NRK: variants seen among roughly 807,000 people sequenced by gnomAD.
NRK encodes the protein Nik related kinase.
NRK carries 67 observed loss-of-function variants against 125.2 expected under a neutral mutation model. The ratio of observed to expected loss-of-function variants is 0.54; its 90% CI spans 0.44 to 0.66. The LOEUF (loss-of-function observed/expected upper bound fraction) is 0.66. NRK is among the 30% of genes least tolerant of loss of function. NRK has a pLI of 0.00. For synonymous variants in NRK, 458 were observed against 429.0 expected (o/e 1.07, Z -0.84); for missense variants, 1,224 against 1,192.9 (o/e 1.03, Z -0.38).
chrX:105,829,072 G>A (rs1362043717), intron 1 of NRK, among the ~76,000 whole-genome samples: 1 of 111,889 alleles, frequency 8.9e-6, no homozygotes, highest in African/African-American at 3.2e-5. Flanking sequence ...GAATTTTAGA[G>A]CTGGGAGATC....
At chrX:105,877,023 A>C (rs1160950550) in intron 2 of NRK, among the ~76,000 whole-genome samples, 1 of 111,850 alleles carries the variant, frequency 8.9e-6, no homozygotes, top group African/African-American at 3.2e-5. Context: ...TTTATAGTGG[A>C]GAAACCTGGC....
chrX:105,850,116 C>A (rs1449113599), intron 2 of NRK, among the ~76,000 whole-genome samples: 1 of 112,631 alleles, frequency 8.9e-6, no homozygotes, highest in Non-Finnish European at 1.9e-5. Flanking sequence ...CTTCTGAAAT[C>A]TAGGCGGAGG....
chrX:105,926,240 A>T (rs1221891095), intron 19 of NRK, among the ~76,000 whole-genome samples: 1 of 111,498 alleles, frequency 9.0e-6, no homozygotes, highest in Non-Finnish European at 1.9e-5. Flanking sequence ...GTTATTTCTA[A>T]GTCTTTTGAG....
In NRK at chrX:105,920,670, G is replaced by A. The variant is rs1362593148; in HGVS notation, c.2513-1294G>A. Among the ~76,000 whole-genome samples the A allele has an allele frequency of 4.5e-5, 5 of 110,128 alleles. No individual in the cohort carries two copies. In the East Asian group the frequency reaches 1.4e-3, roughly 32 times the overall value. ...ACAACCCCATCAAAAAGTGGGCGAAGGACATGAACAGACACTTCTCAAAAG... is the reference window on the plus strand; with the variant it reads ...ACAACCCCATCAAAAAGTGGGCGAAAGACATGAACAGACACTTCTCAAAAG... On this transcript the variant is annotated intron_variant, in intron 16 of 28. Transcript: ENST00000243300.
Position 105,822,693 on chromosome X carries a change from C to G in NRK, c.-153C>G. On this transcript the variant is annotated 5_prime_UTR_variant, in exon 1 of 29. Transcript: ENST00000243300. ...ACTCTTTTCACTACACGTTTCCCCT[C>G]CTCTATCTCCCACGCCACGAACCCC... The G allele has an allele frequency of 3.6e-6, 2 of 562,543 alleles. No homozygotes were observed. The highest frequency in any genetic ancestry group is 6.1e-6 in the Non-Finnish European group (2 of 329,847). 46.4% of individuals were successfully genotyped at this position (562,543 alleles called of 1,213,427 possible). A position where few individuals can be genotyped will look rare whatever the true frequency, so the allele number is the denominator to read the frequency against.
At chrX:105,920,738 C>T (rs998149674) in intron 16 of NRK, among the ~76,000 whole-genome samples, 2 of 109,293 alleles carry the variant, frequency 1.8e-5, no homozygotes, top group Admixed American at 2.0e-4. Flanking sequence ...AAATGCTCAT[C>T]GTCACTGGCC....
chrX:105,933,236 C>T (rs1336157195), intron 19 of NRK, among the ~76,000 whole-genome samples: 4 of 110,676 alleles, frequency 3.6e-5, no homozygotes, highest in Non-Finnish European at 7.6e-5. Context: ...GACATTAAAA[C>T]AGGATGTCCC....
intron 2 of NRK, among the ~76,000 whole-genome samples, chrX:105,868,931 A>G (rs1405771238): frequency 9.0e-6 from 1 of 110,730 alleles, no homozygotes; most frequent in Middle Eastern, 4.6e-3. Flanking sequence ...AACACTCTCA[A>G]AAAAGCATTA....
In NRK at chrX:105,924,828, A is replaced by G. The variant is rs768682935; in HGVS notation, c.3109A>G (p.Asn1037Asp). 2 of 1,209,386 alleles carry G rather than the reference A, an allele frequency of 1.7e-6. No individual in the cohort carries two copies. The highest frequency in any genetic ancestry group is 3.5e-5 in the African/African-American group (2 of 57,225). Reference protein sequence around the residue: ...SHGGSAASEDNAAIGDQEEHA... With the variant: ...SHGGSAASEDDAAIGDQEEHA... ...TGGAGGAAGTGCAGCCAGTGAGGAC[A>G]ATGCAGCCATTGGAGATCAGGAAGA... Residue 1037 changes from asparagine to aspartate, a missense_variant, in exon 19 of 29, where the codon AAT (asparagine) becomes GAT (aspartate). Transcript: ENST00000243300.
At chrX:105,884,190 G>A (rs900640156) in intron 4 of NRK, among the ~76,000 whole-genome samples, 4 of 111,484 alleles carry the variant, frequency 3.6e-5, no homozygotes, top group Non-Finnish European at 5.7e-5. Context: ...CACATATCAG[G>A]ACCTATCCTT....
intron 12 of NRK, 123 bp from the exon 13 acceptor site, chrX:105,908,604 G>T: frequency 1.1e-6 from 1 of 925,485 alleles, no homozygotes; most frequent in East Asian, 3.4e-5. Flanking sequence ...TTTCAGAAAG[G>T]TTTACTGAAG....
Position 105,905,443 on chromosome X carries a change from G to A in NRK, c.845+100G>A, listed in dbSNP as rs1037724351. ...TTGGTCAGTCCTGCTGCACCATCCT[G>A]GTTGGACAATATTTCCTAAAGTCTA... is the stretch of plus-strand genomic sequence containing the variant. On this transcript the variant is annotated intron_variant, in intron 10 of 28. Transcript: ENST00000243300. 5.0e-6 allele frequency: 3 copies of A among 599,994 alleles called. No homozygotes were observed. The East Asian group carries it at 1.1e-4, about 22-fold the overall frequency. The allele number at this position is 599,994 out of a possible 1,213,427, so 49.4% of individuals were successfully genotyped here. A position where few individuals can be genotyped will look rare whatever the true frequency, so the allele number is the denominator to read the frequency against.
intron 2 of NRK, among the ~76,000 whole-genome samples, chrX:105,846,591 G>T (rs1382710757): frequency 9.0e-6 from 1 of 111,490 alleles, no homozygotes; most frequent in African/African-American, 3.3e-5. Context: ...AGATCTCCAG[G>T]TGATGTAACA....
At position 105,957,207 on chromosome X, in the gene NRK, A is replaced by G. The variant is rs1233642631; in HGVS notation, c.*1607A>G. ...CTCACATTTCTTTTACTGTGACACA[A>G]TAATGTGATCCTAAAACTGGCTTAT... On this transcript the variant is annotated 3_prime_UTR_variant, in exon 29 of 29. Transcript: ENST00000243300. 2.7e-5 allele frequency: 3 copies of G among 112,208 alleles called. No homozygotes were observed. The Admixed American group carries it at 2.8e-4, about 11-fold the overall frequency. The allele number at this position is 112,208 out of a possible 1,213,427, so 9.2% of individuals were successfully genotyped here. A position where few individuals can be genotyped will look rare whatever the true frequency, so the allele number is the denominator to read the frequency against.
At chrX:105,943,372 G>T (rs2040770812) in intron 23 of NRK, among the ~76,000 whole-genome samples, 1 of 111,741 alleles carries the variant, frequency 8.9e-6, no homozygotes, top group South Asian at 3.7e-4. Context: ...TTATTCCATT[G>T]ATCTATATGT....
chrX:105,830,314 C>CAAAAAAAAAAAA (rs71932033), intron 1 of NRK, among the ~76,000 whole-genome samples: 2 of 11,041 alleles, frequency 1.8e-4, no homozygotes, highest in African/African-American at 3.1e-4. Flanking sequence ...AACTCCGTCG[C>CAAAAAAAAAAAA]AAAAAAAAAA....
intron 21 of NRK, among the ~76,000 whole-genome samples, chrX:105,937,055 T>C (rs1378712937): frequency 9.1e-6 from 1 of 110,101 alleles, no homozygotes; most frequent in Non-Finnish European, 1.9e-5. Flanking sequence ...TTCAGAACAC[T>C]ACTAAAGGGT....
At chrX:105,857,513 A>T (rs1459218170) in intron 2 of NRK, among the ~76,000 whole-genome samples, 1 of 111,982 alleles carries the variant, frequency 8.9e-6, no homozygotes, top group Non-Finnish European at 1.9e-5. Context: ...TTTTCCTGGC[A>T]TCTGAGGCCA....
intron 4 of NRK, among the ~76,000 whole-genome samples, chrX:105,885,336 T>G: frequency 8.9e-6 from 1 of 112,075 alleles, no homozygotes; most frequent in Admixed American, 9.5e-5. Context: ...TCAACTATTT[T>G]GTATTCACCG....
Sources: allele counts gnomAD v4.1 joint callset (sites outside exome capture counted in the v4.1 genomes callset), GRCh38; gene constraint gnomAD v4.1.1; transcripts MANE v1.5; gene names NCBI Gene and HGNC (gene_info 2026-07-23, HGNC 2026-07-21).